The following SPACDR variants were observed in gnomAD, a reference collection of about 807,000 sequenced individuals.
SPACDR encodes sperm acrosome developmental regulator, also known as uncharacterized protein C7orf61.
the SPACDR span, among the ~76,000 whole-genome samples, chr7:100,458,852 G>T: frequency 6.6e-6 from 1 of 152,028 alleles, no homozygotes. Context: ...GCTTGAAGCT[G>T]GGAGGCGGAG....
At chr7:100,463,981 C>A in the SPACDR span, 1 of 1,608,446 alleles carries the variant, frequency 6.2e-7, no homozygotes, top group South Asian at 1.1e-5. Context: ...TAATCCTTTG[C>A]CAAGCCCGTC....
At chr7:100,457,513 T>A in the SPACDR span, among the ~76,000 whole-genome samples, 1 of 146,602 alleles carries the variant, frequency 6.8e-6, no homozygotes, top group African/African-American at 2.5e-5. Context: ...GAGAAGGGGT[T>A]TCACCATGTT....
the SPACDR span, among the ~76,000 whole-genome samples, chr7:100,458,170 T>G: frequency 6.7e-6 from 1 of 149,084 alleles, no homozygotes; most frequent in Non-Finnish European, 1.5e-5. Context: ...TTATGTAGAT[T>G]TCCCCAGTTG....
the SPACDR span, among the ~76,000 whole-genome samples, chr7:100,457,803 A>ATGTG: frequency 7.3e-3 from 530 of 72,568 alleles, 11 homozygotes; most frequent in African/African-American, 0.024. Context: ...ATATATATAT[A>ATGTG]TGTGTGTGTG....
chr7:100,458,105 A>T, the SPACDR span, among the ~76,000 whole-genome samples: 1 of 151,660 alleles, frequency 6.6e-6, no homozygotes, highest in Non-Finnish European at 1.5e-5. Flanking sequence ...AAATCTTGCA[A>T]ATCTATACTA....
the SPACDR span, chr7:100,463,560 T>G: frequency 2.5e-6 from 4 of 1,613,878 alleles, no homozygotes; most frequent in Non-Finnish European, 3.4e-6. Context: ...TTAGCCTCTT[T>G]TGGGAGCTCG....
the SPACDR span, among the ~76,000 whole-genome samples, chr7:100,458,887 A>G: frequency 6.6e-6 from 1 of 151,874 alleles, no homozygotes; most frequent in African/African-American, 2.4e-5. Flanking sequence ...AGGTCGCACC[A>G]CTTCATTCCA....
chr7:100,459,529 ATAT>A, the SPACDR span, among the ~76,000 whole-genome samples: 1 of 151,844 alleles, frequency 6.6e-6, no homozygotes. Context: ...ATCTCAGGTG[ATAT>A]GCCTGCCTTG....
chr7:100,462,913 CAG>C, the SPACDR span, among the ~76,000 whole-genome samples: 1 of 149,096 alleles, frequency 6.7e-6, no homozygotes, highest in Admixed American at 6.6e-5. Flanking sequence ...AGTTCGAGAC[CAG>C]CTTGGCCTCG....
chr7:100,464,188 G>A, the SPACDR span: 1 of 1,481,118 alleles, frequency 6.8e-7, no homozygotes, highest in Non-Finnish European at 9.0e-7. Flanking sequence ...GAAATCCTGG[G>A]GGAAGCCCCT....
At chr7:100,457,540 A>C in the SPACDR span, among the ~76,000 whole-genome samples, 1 of 150,990 alleles carries the variant, frequency 6.6e-6, no homozygotes, top group South Asian at 2.1e-4. Context: ...GCTGGTCTCG[A>C]ACTCCTGACC....
At chr7:100,464,157 C>T in the SPACDR span, 2 of 1,518,600 alleles carry the variant, frequency 1.3e-6, no homozygotes, top group South Asian at 1.3e-5. Flanking sequence ...GCTTCAAGCA[C>T]AGCAGTAAAG....
the SPACDR span, chr7:100,464,217 A>G: frequency 1.4e-6 from 2 of 1,460,214 alleles, no homozygotes; most frequent in Non-Finnish European, 9.1e-7. Flanking sequence ...TGAATCCCAG[A>G]CCTTTTCTCC....
the SPACDR span, chr7:100,456,867 AG>A: frequency 1.2e-5 from 20 of 1,613,628 alleles, no homozygotes; most frequent in East Asian, 4.5e-5. Context: ...CAGCCGGCGC[AG>A]GTGTTTCCGA....
the SPACDR span, among the ~76,000 whole-genome samples, chr7:100,457,677 G>T: frequency 7.1e-6 from 1 of 140,884 alleles, no homozygotes; most frequent in East Asian, 2.1e-4. Flanking sequence ...CTGGAGTGCA[G>T]TGGCATAATC....
chr7:100,463,389 T>C, the SPACDR span: 1 of 1,603,842 alleles, frequency 6.2e-7, no homozygotes, highest in Non-Finnish European at 8.5e-7. Context: ...TGCCAGCCGC[T>C]CTGCAGGGCA....
At chr7:100,463,283 T>C in the SPACDR span, 2 of 1,215,138 alleles carry the variant, frequency 1.6e-6, no homozygotes, top group South Asian at 1.5e-5. Context: ...CAGGAAACAA[T>C]TGTTGAACAA....
At chr7:100,457,855 ATATTT>A in the SPACDR span, among the ~76,000 whole-genome samples, 8 of 68,002 alleles carry the variant, frequency 1.2e-4, no homozygotes, top group Middle Eastern at 0.01. Flanking sequence ...ATATATATAT[ATATTT>A]TTTTTTTTTT....
At chr7:100,462,642 A>G in the SPACDR span, among the ~76,000 whole-genome samples, 1 of 151,698 alleles carries the variant, frequency 6.6e-6, no homozygotes, top group Middle Eastern at 3.4e-3. Flanking sequence ...TCAGCCTCCC[A>G]AGTAGCTGGA....
Sources: gnomAD v4.1 joint callset for allele counts (sites outside exome capture counted in the v4.1 genomes callset) on GRCh38, gnomAD v4.1.1 for gene constraint, MANE v1.5 for transcripts, NCBI Gene and HGNC (gene_info 2026-07-23, HGNC 2026-07-21) for gene names.